ZMYM6: variants seen among roughly 807,000 people sequenced by gnomAD.
ZMYM6 encodes the protein zinc finger MYM-type containing 6, also known as zinc finger MYM-type protein 6.
ZMYM6 carries 90 observed loss-of-function variants against 134.0 expected under a neutral mutation model. The observed-to-expected ratio is 0.67, with a 90% CI of 0.57 to 0.80. The LOEUF (loss-of-function observed/expected upper bound fraction) is 0.80, where lower values mean the gene tolerates loss of function less well. ZMYM6 is among the 30% of genes least tolerant of loss of function. The pLI, the probability that ZMYM6 is intolerant of heterozygous loss-of-function variation, is 0.00. For missense variants in ZMYM6, 1,362 were observed against 1,533.9 expected (o/e 0.89, Z 1.87); for synonymous variants, 481 against 524.1 (o/e 0.92, Z 1.12).
chr1:35,011,616 T>C (rs940675842), intron 8 of ZMYM6, among the ~76,000 whole-genome samples: 1 of 152,098 alleles, frequency 6.6e-6, no homozygotes. Context: ...CAATCCTAGC[T>C]TCCATCTTTT....
intron 14 of ZMYM6, among the ~76,000 whole-genome samples, chr1:35,001,625 T>C (rs1044599626): frequency 6.6e-6 from 1 of 152,190 alleles, no homozygotes; most frequent in South Asian, 2.1e-4. Flanking sequence ...GATTATACAA[T>C]TGTGTGGTTA....
At chr1:35,009,337 CA>C (rs1257526313) in intron 10 of ZMYM6, among the ~76,000 whole-genome samples, 6 of 152,302 alleles carry the variant, frequency 3.9e-5, no homozygotes, top group South Asian at 2.1e-4. Context: ...CTCCTGACCT[CA>C]GGTGATCTGG....
intron 14 of ZMYM6, among the ~76,000 whole-genome samples, chr1:34,993,046 A>G (rs921867107): frequency 8.7e-5 from 13 of 149,730 alleles, no homozygotes; most frequent in African/African-American, 2.0e-4. Flanking sequence ...GATCTCAGGG[A>G]AAAAAAAAGA....
intron 4 of ZMYM6, 71 bp downstream of exon 4, chr1:35,019,282 G>A: frequency 6.3e-7 from 1 of 1,589,586 alleles, no homozygotes; most frequent in Non-Finnish European, 8.6e-7. Flanking sequence ...AGTATCAACA[G>A]TATGTTTGAA....
At chr1:35,014,374 G>A (rs545666907) in intron 6 of ZMYM6, among the ~76,000 whole-genome samples, 16 of 152,268 alleles carry the variant, frequency 1.1e-4, no homozygotes, top group Middle Eastern at 6.8e-3. Flanking sequence ...AGGCTGAGGC[G>A]AGTGGATGGC....
intron 6 of ZMYM6, chr1:35,013,604 C>CAACT: frequency 6.1e-6 from 6 of 985,332 alleles, no homozygotes; most frequent in Non-Finnish European, 7.2e-6. Context: ...TGTCCATTAC[C>CAACT]AACTGCTCAA....
intron 4 of ZMYM6, among the ~76,000 whole-genome samples, chr1:35,016,077 G>A (rs945263210): frequency 6.6e-6 from 1 of 150,860 alleles, no homozygotes; most frequent in East Asian, 2.0e-4. Flanking sequence ...CCTCCGGTTC[G>A]AGTAGCTGGG....
At chr1:35,006,590 C>T (rs1015350547) in intron 12 of ZMYM6, among the ~76,000 whole-genome samples, 2 of 152,220 alleles carry the variant, frequency 1.3e-5, no homozygotes, top group African/African-American at 4.8e-5. Context: ...TATACTCTCC[C>T]TTTGTTTGCC....
chr1:34,992,159 T>G, intron 15 of ZMYM6, 75 bp downstream of exon 15: 1 of 1,578,734 alleles, frequency 6.3e-7, no homozygotes, highest in East Asian at 2.2e-5. Flanking sequence ...ATTATTTTCT[T>G]TTCCTTTCTT....
chr1:34,996,886 C>T (rs12407202), intron 14 of ZMYM6, among the ~76,000 whole-genome samples: 12,037 of 152,190 alleles, frequency 0.079, 910 homozygotes, highest in East Asian at 0.38. Context: ...CACACAATAA[C>T]TCAGAGTGAA....
At position 35,010,535 on chromosome 1, in the gene ZMYM6, A is replaced by T. The variant is rs1327189439; in HGVS notation, c.1404T>A (p.Val468=). ...GTTTACAGTAGTCACACATTGCCACAACTTTATTTTTCTTCTTGTATTCAT... is the reference window on the plus strand; with the variant it reads ...GTTTACAGTAGTCACACATTGCCACTACTTTATTTTTCTTCTTGTATTCAT... ...CSDEYKKKNK[V]VAMCDYCKLQ... is the part of the protein sequence containing the mutation. The change falls in exon 10 of 16, where the codon GTT becomes GTA. Residue 468 remains valine (V), a synonymous_variant. Coordinates refer to ENST00000357182, the MANE Select transcript of ZMYM6 (RefSeq NM_007167.4). The T allele has an allele frequency of 6.2e-7, 1 of 1,613,920 alleles. No homozygotes were observed. The highest frequency in any genetic ancestry group is 8.5e-7 in the Non-Finnish European group (1 of 1,180,012).
intron 15 of ZMYM6, chr1:34,989,374 C>CA: frequency 6.9e-6 from 2 of 288,634 alleles, no homozygotes; most frequent in Non-Finnish European, 9.7e-6. Flanking sequence ...TCCATCTCTA[C>CA]ATTAAAAAAA....
chr1:34,988,486 C>A lies in ZMYM6; in HGVS notation c.2596G>T (p.Gly866Cys). The A allele has an allele frequency of 1.9e-6, 3 of 1,550,846 alleles. No individual in the cohort carries two copies. In the African/African-American group the frequency reaches 4.1e-5, roughly 21 times the overall value. ...TTCATTTTGTCTCCAGCACTTGAAC[C>A]CAAAACTTCTGAACACATTTCTACT... ...YLVEMCSEVL[G>C]SSAGDKMKTI... Residue 866 changes from glycine (G) to cysteine (C), a missense_variant, in exon 16 of 16, where the codon GGT (glycine) becomes TGT (cysteine). By Grantham distance (159) the Gly-to-Cys change is radical. This residue lies in a region of ZMYM6 where 824 missense variants were observed against 940.9 expected (regional missense o/e 0.88). Coordinates refer to ENST00000357182, the MANE Select transcript of ZMYM6 (RefSeq NM_007167.4).
chr1:35,006,228 G>A (rs1416083496), intron 12 of ZMYM6, among the ~76,000 whole-genome samples: 1 of 152,120 alleles, frequency 6.6e-6, no homozygotes, highest in African/African-American at 2.4e-5. Flanking sequence ...GTCTGGTCTC[G>A]AACTCCTGGC....
At chr1:35,028,012 CT>C (rs1443060417) in intron 2 of ZMYM6, among the ~76,000 whole-genome samples, 1 of 152,008 alleles carries the variant, frequency 6.6e-6, no homozygotes, top group East Asian at 1.9e-4. Flanking sequence ...ACATCCCTGT[CT>C]TCTTATGATA....
rs1240959130 is a variant in ZMYM6 at position 35,010,937 on chromosome 1, T to G, written c.1162A>C (p.Ile388Leu). The G allele has an allele frequency of 1.1e-5, 17 of 1,612,708 alleles. No individual in the cohort carries two copies. The highest frequency in any genetic ancestry group is 1.4e-5 in the Non-Finnish European group (17 of 1,179,562). The change falls in exon 9 of 16, where the codon ATA (isoleucine) becomes CTA (leucine). Residue 388 changes from isoleucine to leucine, a missense_variant. By Grantham distance (5) the Ile-to-Leu change is conservative (BLOSUM62 2). Coordinates refer to ENST00000357182, the MANE Select transcript of ZMYM6 (RefSeq NM_007167.4). ...ACGGCAGAGGTGTTACCTCCTCCTA[T>G]TGACACTGCTGACCTGGAGGAGGGC... ...SPPSSRSAVS[I>L]GGGNTSAVSP...
At chr1:35,024,239 A>C (rs1641364336) in intron 2 of ZMYM6, among the ~76,000 whole-genome samples, 1 of 152,240 alleles carries the variant, frequency 6.6e-6, no homozygotes, top group African/African-American at 2.4e-5. Flanking sequence ...GCTATTTTAG[A>C]ATAATTATGT....
At position 35,014,825 on chromosome 1, in the gene ZMYM6, T is replaced by C. The variant is rs143135186; in HGVS notation, c.667A>G (p.Lys223Glu). 33 of 1,614,186 alleles carry C rather than the reference T, an allele frequency of 2.0e-5. No individual in the cohort carries two copies. The African/African-American group carries it at 2.5e-4, about 12-fold the overall frequency. ...GTGAGGTTGTTTGTAGAGTGAAATT[T>C]TGAAAAACAGGCATCACTACAAAGA... ...HGLCSDACFSKFHSTNNLTMN... is the reference protein window; with the variant it reads ...HGLCSDACFSEFHSTNNLTMN... The change falls in exon 6 of 16, where the codon AAA (lysine) becomes GAA (glutamate). Residue 223 changes from lysine to glutamate, a missense_variant. By Grantham distance (56) the Lys-to-Glu change is moderately conservative. This residue lies in a region of ZMYM6 where 503 missense variants were observed against 520.8 expected (regional missense o/e 0.97). Coordinates refer to ENST00000357182, the MANE Select transcript of ZMYM6 (RefSeq NM_007167.4).
At chr1:35,006,894 A>G (rs1333198608) in intron 12 of ZMYM6, 57 bp downstream of exon 12, 21 of 1,449,322 alleles carry the variant, frequency 1.4e-5, no homozygotes, top group Non-Finnish European at 1.7e-5. Context: ...ATAACTGTAT[A>G]TGCTGATAGT....
Sources: gnomAD v4.1 joint callset for allele counts (sites outside exome capture counted in the v4.1 genomes callset) on GRCh38, gnomAD v4.1.1 for gene constraint, gnomAD v4.1.1 regional missense constraint, MANE v1.5 for transcripts, NCBI Gene and HGNC (gene_info 2026-07-23, HGNC 2026-07-21) for gene names.